The following ADAM22 variants were observed in gnomAD, a reference collection of about 807,000 sequenced individuals.
ADAM22 encodes ADAM metallopeptidase domain 22.
Under a neutral mutation model 144.6 loss-of-function variants are expected in ADAM22, and 65 were observed. The ratio of observed to expected loss-of-function variants is 0.45; its 90% CI spans 0.37 to 0.55. ADAM22 has a LOEUF of 0.55. Ranked by LOEUF, ADAM22 falls within the 20% of genes least tolerant of loss-of-function variation. ADAM22 has a pLI of 0.00. For missense variants in ADAM22, 974 were observed against 1,184.9 expected, an observed-to-expected ratio of 0.82 and a Z score of 2.61; for synonymous variants, 391 against 412.6, an observed-to-expected ratio of 0.95 and a Z score of 0.63.
chr7:88,168,301 A>G, intron 25 of ADAM22, 74 bp downstream of exon 25: 2 of 1,421,528 alleles, frequency 1.4e-6, no homozygotes, highest in South Asian at 1.2e-5. Context: ...AAACATCTAG[A>G]AAGTTTTGTA....
intron 4 of ADAM22, among the ~76,000 whole-genome samples, chr7:88,107,305 G>A (rs533039027): frequency 1.2e-4 from 18 of 147,536 alleles, no homozygotes; most frequent in African/African-American, 3.5e-4. Flanking sequence ...TGGTTCAAGC[G>A]ATTCTCCTGC....
chr7:88,078,509 C>T (rs1399891072), intron 4 of ADAM22, among the ~76,000 whole-genome samples: 2 of 152,302 alleles, frequency 1.3e-5, no homozygotes, highest in South Asian at 2.1e-4. Context: ...ATGACTTTGA[C>T]GAGTTGAGAG....
intron 22 of ADAM22, among the ~76,000 whole-genome samples, chr7:88,160,117 A>G (rs1841166780): frequency 6.6e-6 from 1 of 152,136 alleles, no homozygotes; most frequent in South Asian, 2.1e-4. Flanking sequence ...ACAATAGCCA[A>G]GCTGAGGGTC....
At chr7:88,080,946 A>G (rs1048717724) in intron 4 of ADAM22, among the ~76,000 whole-genome samples, 5 of 152,162 alleles carry the variant, frequency 3.3e-5, no homozygotes, top group Non-Finnish European at 7.4e-5. Flanking sequence ...TTCTGAAACT[A>G]TTCCAATCAA....
chr7:87,972,109 A>G (rs1280836930), intron 2 of ADAM22, among the ~76,000 whole-genome samples: 1 of 152,154 alleles, frequency 6.6e-6, no homozygotes, highest in Non-Finnish European at 1.5e-5. Context: ...AAGGAAATAA[A>G]GGGTATTCAA....
At chr7:87,956,925 A>G (rs1413450327) in intron 2 of ADAM22, among the ~76,000 whole-genome samples, 1 of 152,246 alleles carries the variant, frequency 6.6e-6, no homozygotes, top group Non-Finnish European at 1.5e-5. Context: ...CACACATGAA[A>G]GTATCGTAAA....
intron 2 of ADAM22, among the ~76,000 whole-genome samples, chr7:87,940,223 A>G (rs1364955239): frequency 2.6e-5 from 4 of 151,304 alleles, no homozygotes; most frequent in African/African-American, 2.4e-5. Context: ...ATTCACCAAG[A>G]TGGATATGCT....
chr7:88,063,786 A>G (rs1479495705), intron 3 of ADAM22, among the ~76,000 whole-genome samples: 1 of 152,344 alleles, frequency 6.6e-6, no homozygotes, highest in Admixed American at 6.5e-5. Context: ...ATTACTAGCC[A>G]TACTAGGAGA....
At chr7:88,110,499 A>G (rs1207829730) in intron 5 of ADAM22, among the ~76,000 whole-genome samples, 1 of 151,972 alleles carries the variant, frequency 6.6e-6, no homozygotes, top group African/African-American at 2.4e-5. Context: ...AAGGGCTATA[A>G]ATGGACCTGA....
chr7:88,001,709 T>A (rs1244648202), intron 3 of ADAM22, among the ~76,000 whole-genome samples: 1 of 151,926 alleles, frequency 6.6e-6, no homozygotes. Flanking sequence ...ACTTCATAAC[T>A]TTGTTTTTAG....
At chr7:87,999,236 G>C (rs1331111750) in intron 3 of ADAM22, among the ~76,000 whole-genome samples, 1 of 152,108 alleles carries the variant, frequency 6.6e-6, no homozygotes, top group Non-Finnish European at 1.5e-5. Flanking sequence ...TTCAGAAAAA[G>C]GTATCAATGT....
At chr7:88,126,511 CT>C (rs1302988576) in intron 8 of ADAM22, among the ~76,000 whole-genome samples, 1 of 151,950 alleles carries the variant, frequency 6.6e-6, no homozygotes, top group Non-Finnish European at 1.5e-5. Context: ...TTATTGAATA[CT>C]TACCTTGTAC....
intron 3 of ADAM22, among the ~76,000 whole-genome samples, chr7:88,046,947 G>T (rs1469849089): frequency 1.3e-5 from 2 of 151,854 alleles, no homozygotes; most frequent in Admixed American, 6.6e-5. Context: ...TTGTTCAGAT[G>T]GTAGACTCAG....
At chr7:87,969,695 T>A (rs1849972124) in intron 2 of ADAM22, among the ~76,000 whole-genome samples, 1 of 152,236 alleles carries the variant, frequency 6.6e-6, no homozygotes, top group South Asian at 2.1e-4. Context: ...AGACCTAGAA[T>A]TCAAATGTAC....
rs546688949 is a variant in ADAM22, at chr7:88,174,249, G to A, written c.2300+2688G>A. 2.6e-5 allele frequency among the ~76,000 whole-genome samples: 4 copies of A among 152,256 alleles called. No individual in the cohort carries two copies. In the South Asian group the frequency reaches 6.2e-4, roughly 24 times the overall value. Reference sequence around the variant, plus strand: ...TTTCTTGCAAGTTTGACAAACAGATGTGAAGCAGACCCACGTTTTTTTTCT... The same window carrying A: ...TTTCTTGCAAGTTTGACAAACAGATATGAAGCAGACCCACGTTTTTTTTCT... On this transcript the variant is annotated intron_variant, in intron 26 of 31. Coordinates refer to ENST00000413139, the MANE Select transcript of ADAM22 (RefSeq NM_001324418.2).
At chr7:87,950,946 A>C (rs958439711) in intron 2 of ADAM22, among the ~76,000 whole-genome samples, 6 of 152,072 alleles carry the variant, frequency 3.9e-5, no homozygotes, top group African/African-American at 1.4e-4. Flanking sequence ...TCTTTTGAGA[A>C]GTGTCTGTTC....
intron 3 of ADAM22, among the ~76,000 whole-genome samples, chr7:88,007,593 C>T (rs188051246): frequency 4.6e-5 from 7 of 152,170 alleles, no homozygotes; most frequent in Non-Finnish European, 7.3e-5. Flanking sequence ...GAAATAACGC[C>T]GCATATCTAC....
At position 87,938,003 on chromosome 7, in the gene ADAM22, C is replaced by G. The variant is rs566450657; in HGVS notation, c.246+2817C>G. Among the ~76,000 whole-genome samples the G allele has an allele frequency of 1.4e-4, 22 of 152,232 alleles. No individual in the cohort carries two copies. The East Asian group carries it at 4.1e-3, about 28-fold the overall frequency. On this transcript the variant is annotated intron_variant, in intron 2 of 31. Transcript: ENST00000413139. ...CATTGACAACTAGGACCAAATCTGA[C>G]AAAATTTTAAAGACCTGTTTATCTT...
chr7:88,191,449 A>G (rs929457522), intron 30 of ADAM22, among the ~76,000 whole-genome samples: 14 of 152,206 alleles, frequency 9.2e-5, no homozygotes, highest in African/African-American at 3.1e-4. Context: ...TAGCTTTCCT[A>G]AAGTTGGATA....
Sources: allele counts gnomAD v4.1 joint callset (sites outside exome capture counted in the v4.1 genomes callset), GRCh38; gene constraint gnomAD v4.1.1; transcripts MANE v1.5; gene names NCBI Gene and HGNC (gene_info 2026-07-23, HGNC 2026-07-21).